CCDC77: variants seen among roughly 807,000 people sequenced by gnomAD.
CCDC77 encodes the protein coiled-coil domain containing 77.
In CCDC77, 56 loss-of-function variants were observed where a neutral mutation model predicts 66.8. The ratio of observed to expected loss-of-function variants is 0.84; its 90% CI spans 0.68 to 1.05. CCDC77 has a LOEUF of 1.05. Ranked by LOEUF, CCDC77 falls within the 50% of genes least tolerant of loss-of-function variation. The pLI is 0.00. For synonymous variants in CCDC77, 196 were observed against 195.2 expected, an observed-to-expected ratio of 1.00 and a Z score of -0.03; for missense variants, 570 against 576.8, an observed-to-expected ratio of 0.99 and a Z score of 0.12.
intron 8 of CCDC77, 59 bp downstream of exon 8, chr12:432,013 C>A (rs906140301): frequency 3.1e-6 from 3 of 952,990 alleles, no homozygotes; most frequent in South Asian, 2.7e-5. Context: ...AGCTCTATGT[C>A]ACATACCCTC....
chr12:397,132 G>A (rs1944838327), upstream of CCDC77, among the ~76,000 whole-genome samples: 1 of 152,080 alleles, frequency 6.6e-6, no homozygotes, highest in Non-Finnish European at 1.5e-5. Context: ...CCACCACTTT[G>A]GGAGGCTGAG....
At chr12:411,258 CT>C (rs1422390076) in intron 3 of CCDC77, among the ~76,000 whole-genome samples, 5 of 152,044 alleles carry the variant, frequency 3.3e-5, no homozygotes, top group Non-Finnish European at 7.4e-5. Context: ...ACTGCAACCT[CT>C]GCCTCCCAGG....
upstream of CCDC77, among the ~76,000 whole-genome samples, chr12:400,686 G>A (rs1229864761): frequency 1.3e-5 from 2 of 152,158 alleles, no homozygotes; most frequent in Non-Finnish European, 2.9e-5. Flanking sequence ...CATGGTTCAT[G>A]GTGCCCCTAA....
chr12:417,195 T>G (rs1945302181), intron 4 of CCDC77, among the ~76,000 whole-genome samples: 1 of 152,182 alleles, frequency 6.6e-6, no homozygotes, highest in Admixed American at 6.5e-5. Flanking sequence ...CTGTAGTTTT[T>G]CTTTTTGTAA....
At position 441,038 on chromosome 12, in the gene CCDC77, G is replaced by A. The variant is rs562218716; in HGVS notation, c.1320+42G>A. The A allele has an allele frequency of 3.6e-5, 58 of 1,593,818 alleles. 1 individual carries two copies. In the East Asian group the frequency reaches 1.1e-3, roughly 31 times the overall value. ...AATTGCCACGAGGGAGAGAAGAGGT[G>A]TAAGTGAGGGAACATGGTCACGAGG... On this transcript the variant is annotated intron_variant, in intron 12 of 12. Transcript: ENST00000239830.
chr12:397,632 T>C (rs541963675), upstream of CCDC77, among the ~76,000 whole-genome samples: 1 of 152,200 alleles, frequency 6.6e-6, no homozygotes, highest in Non-Finnish European at 1.5e-5. Context: ...TAAAAAAATT[T>C]ACATGCCTTA....
chr12:411,936 G>A lies in CCDC77; in HGVS notation c.228G>A (p.Leu76=). The A allele has an allele frequency of 6.2e-7, 1 of 1,613,992 alleles. No homozygotes were observed. The highest frequency in any genetic ancestry group is 8.5e-7 in the Non-Finnish European group (1 of 1,179,994). ...MAECEAENED[L]LKKLELYKEA... Reference sequence around the variant, plus strand: ...AGTGTGAGGCAGAAAATGAGGACTTGCTGAAGAAACTGGAACTCTACAAAG... The same window carrying A: ...AGTGTGAGGCAGAAAATGAGGACTTACTGAAGAAACTGGAACTCTACAAAG... Residue 76 remains leucine, a synonymous_variant, in exon 4 of 13, where the codon TTG becomes TTA. Coordinates refer to ENST00000239830, the MANE Select transcript of CCDC77 (RefSeq NM_032358.4).
intron 2 of CCDC77, among the ~76,000 whole-genome samples, chr12:408,518 T>C (rs1414955639): frequency 1.3e-5 from 2 of 152,210 alleles, no homozygotes; most frequent in Non-Finnish European, 2.9e-5. Context: ...TTAATTTCTA[T>C]TTACTACTTC....
intron 1 of CCDC77, among the ~76,000 whole-genome samples, chr12:402,701 C>A (rs1944919306): frequency 6.6e-6 from 1 of 152,080 alleles, no homozygotes; most frequent in Non-Finnish European, 1.5e-5. Context: ...AGAAAATGGT[C>A]CAGGAGACGC....
upstream of CCDC77, among the ~76,000 whole-genome samples, chr12:399,462 G>A (rs1346304088): frequency 6.6e-6 from 1 of 152,168 alleles, no homozygotes; most frequent in Non-Finnish European, 1.5e-5. Flanking sequence ...GAGCCACCGT[G>A]CCCGGCCTGA....
intron 4 of CCDC77, among the ~76,000 whole-genome samples, chr12:414,635 A>G (rs1352223327): frequency 6.6e-6 from 1 of 151,988 alleles, no homozygotes; most frequent in African/African-American, 2.4e-5. Flanking sequence ...CCACCCGCAC[A>G]TGTACTGCCA....
Position 423,470 on chromosome 12 carries a change from GTTTTTTGTGTTTTTTTTTGTTTTGTTTT to G in CCDC77, c.413+4841_413+4868del, listed in dbSNP as rs1461375850. ...TTGTTATTTTCTGGGTGTTTTTTGT[GTTTTTTGTGTTTTTTTTTGTTTTGTTTT>G]TTTTTTTTTTTTTTTGAGACAGGGT... is the stretch of plus-strand genomic sequence containing the variant. On this transcript the variant is annotated intron_variant, in intron 5 of 12. Transcript: ENST00000239830. 8.9e-5 allele frequency among the ~76,000 whole-genome samples: 4 copies of G among 44,846 alleles called. 1 individual carries two copies. The highest frequency in any genetic ancestry group is 3.0e-4 in the African/African-American group (4 of 13,482). The allele number at this position is 44,846 out of a possible 152,430, so 29.4% of individuals were successfully genotyped here.
intron 5 of CCDC77, chr12:418,955 T>A: frequency 4.0e-6 from 1 of 252,432 alleles, no homozygotes; most frequent in Non-Finnish European, 7.7e-6. Context: ...CACCTCAGCC[T>A]CCCGAAGTGT....
intron 8 of CCDC77, 140 bp from the exon 9 acceptor site, chr12:433,033 GA>G (rs747041124): frequency 2.1e-6 from 2 of 956,798 alleles, no homozygotes; most frequent in South Asian, 3.3e-5. Context: ...ACCTTGTCTT[GA>G]AATGAACAAG....
At chr12:417,554 C>T (rs998988287) in intron 4 of CCDC77, among the ~76,000 whole-genome samples, 1 of 152,162 alleles carries the variant, frequency 6.6e-6, no homozygotes, top group East Asian at 1.9e-4. Flanking sequence ...AGACAGGAAT[C>T]GTATCTTTTC....
rs1435266477 is a variant in CCDC77 at position 418,575 on chromosome 12, C to G, written c.352C>G (p.Leu118Val). 4 of 1,613,908 alleles carry G rather than the reference C, an allele frequency of 2.5e-6. No homozygotes were observed. Among genetic ancestry groups the G allele is most frequent in the Non-Finnish European group, 3.4e-6 (4 of 1,179,908 alleles). ...QKALSDMQVC[L>V]FQEREHVLRL... ...AGCTCTAAGTGATATGCAGGTCTGC[C>G]TCTTCCAGGAACGGGAACATGTTTT... Residue 118 changes from leucine to valine, a missense_variant, in exon 5 of 13, where the codon CTC becomes GTC. Transcript: ENST00000239830.
intron 5 of CCDC77, 109 bp from the exon 6 acceptor site, chr12:428,660 G>C: frequency 5.1e-6 from 3 of 586,496 alleles, no homozygotes; most frequent in African/African-American, 2.3e-5. Flanking sequence ...TTTTAATTTG[G>C]GGTTACAATT....
At chr12:405,876 A>C (rs375667141) in intron 2 of CCDC77, among the ~76,000 whole-genome samples, 1 of 151,392 alleles carries the variant, frequency 6.6e-6, no homozygotes, top group East Asian at 1.9e-4. Context: ...TCCAGTGTGG[A>C]GAGACAGACA....
rs143368712 is a variant in CCDC77, at chr12:402,572, T to C, written c.-71+888T>C. On this transcript the variant is annotated intron_variant, in intron 1 of 12. Transcript: ENST00000239830. ...TCTGGAAACGGTACATTTAGGAGAG[T>C]AGAGAGAAATAAGGCAGGAAAGTTA... 6.8e-3 allele frequency among the ~76,000 whole-genome samples: 1,032 copies of C among 151,814 alleles called. 6 individuals carry two copies. Among genetic ancestry groups the C allele is most frequent in the Admixed American group, 0.015 (221 of 15,226 alleles).
Sources: gnomAD v4.1 joint callset for allele counts (sites outside exome capture counted in the v4.1 genomes callset) on GRCh38, gnomAD v4.1.1 for gene constraint, MANE v1.5 for transcripts, NCBI Gene and HGNC (gene_info 2026-07-23, HGNC 2026-07-21) for gene names.